The following CHD4 variants were observed in gnomAD, a reference collection of about 807,000 sequenced individuals.
CHD4 encodes the protein chromodomain helicase DNA binding protein 4, also known as ATP-dependent chromatin remodeler CHD4.
Under a neutral mutation model 235.5 loss-of-function variants are expected in CHD4, and 35 were observed. The observed-to-expected ratio is 0.15, with a 90% confidence interval of 0.11 to 0.20. CHD4 has a LOEUF of 0.20. Ranked by LOEUF, CHD4 falls within the 10% of genes least tolerant of loss-of-function variation. CHD4 has a pLI of 1.00. For missense variants in CHD4, 1,329 were observed against 2,432.3 expected (o/e 0.55, Z 9.54); for synonymous variants, 900 against 850.2 (o/e 1.06, Z -1.02).
chr12:6,581,704 TGTA>T lies in CHD4; in HGVS notation c.4623_4625del (p.Thr1542del). ...GCTGCGTGTCCCCTGGAGTGGAGGGTGTAGGAGTTTTTGGGGAGGGTGACCCTG... is the reference window on the plus strand; with the variant it reads ...GCTGCGTGTCCCCTGGAGTGGAGGGTGGAGTTTTTGGGGAGGGTGACCCTG... On this transcript the variant is annotated inframe_deletion, in exon 31 of 40. Transcript: ENST00000544040. 6.2e-7 allele frequency: 1 copy of T among 1,605,170 alleles called. No individual in the cohort carries two copies. Among genetic ancestry groups the T allele is most frequent in the South Asian group, 1.1e-5 (1 of 90,064 alleles).
chr12:6,577,244 A>AC (rs1948086402), intron 37 of CHD4, among the ~76,000 whole-genome samples: 1 of 150,772 alleles, frequency 6.6e-6, no homozygotes, highest in East Asian at 1.9e-4. Flanking sequence ...ACATGGTGAA[A>AC]CCCCATCTCT....
rs1947940793 is a variant in CHD4, at chr12:6,570,348, A to T, written c.*328T>A. The T allele has an allele frequency of 5.5e-6, 2 of 361,240 alleles. No individual in the cohort carries two copies. Among genetic ancestry groups the T allele is most frequent in the African/African-American group, 2.1e-5 (1 of 47,776 alleles). 22.4% of individuals were successfully genotyped at this position (361,240 alleles called of 1,614,324 possible). A position where few individuals can be genotyped will look rare whatever the true frequency, so the allele number is the denominator to read the frequency against. ...AAAATAAAACCAAAAGGAGGAAAAAATTCAGATCATTTTCTTCAAGCCTGG... is the reference window on the plus strand; with the variant it reads ...AAAATAAAACCAAAAGGAGGAAAAATTTCAGATCATTTTCTTCAAGCCTGG... On this transcript the variant is annotated 3_prime_UTR_variant, in exon 40 of 40. Coordinates refer to ENST00000544040, the MANE Select transcript of CHD4 (RefSeq NM_001273.5).
intron 23 of CHD4, 39 bp downstream of exon 23, chr12:6,588,259 A>T (rs764598745): frequency 2.5e-6 from 4 of 1,606,770 alleles, no homozygotes. Context: ...TTCTAGCATA[A>T]CATGTTACTT....
intron 31 of CHD4, 109 bp downstream of exon 31, chr12:6,581,540 T>C (rs772502595): frequency 3.2e-6 from 5 of 1,555,500 alleles, no homozygotes; most frequent in Non-Finnish European, 3.5e-6. Context: ...TGAGAGGGAA[T>C]TGCTGTGTGT....
Position 6,592,493 on chromosome 12 carries a change from G to A in CHD4, c.2848C>T (p.Leu950=), listed in dbSNP as rs1948418545. 1 of 1,611,872 alleles carries A rather than the reference G, an allele frequency of 6.2e-7. No homozygotes were observed. The highest frequency in any genetic ancestry group is 2.2e-5 in the East Asian group (1 of 44,786). ...AGCCGCCGCAACATGTGCGGCCCCAGCATGTCATGCAGTTTTTTTATCTGG... is the reference window on the plus strand; with the variant it reads ...AGCCGCCGCAACATGTGCGGCCCCAACATGTCATGCAGTTTTTTTATCTGG... ...EDQIKKLHDM[L]GPHMLRRLKA... Residue 950 remains leucine, a synonymous_variant, in exon 19 of 40, where the codon CTG becomes TTG. Coordinates refer to ENST00000544040, the MANE Select transcript of CHD4 (RefSeq NM_001273.5).
chr12:6,600,459 C>G, intron 8 of CHD4, 64 bp from the exon 9 acceptor site: 2 of 1,605,156 alleles, frequency 1.2e-6, no homozygotes, highest in Non-Finnish European at 1.7e-6. Context: ...CCCCCCGACC[C>G]CTATCTCCTT....
chr12:6,587,676 G>A (rs770152421), intron 24 of CHD4, 36 bp downstream of exon 24: 1 of 1,608,660 alleles, frequency 6.2e-7, no homozygotes, highest in Admixed American at 1.7e-5. Context: ...GAGAGGCCAA[G>A]CCCCACACCA....
At chr12:6,580,732 G>T in intron 33 of CHD4, 1 of 209,278 alleles carries the variant, frequency 4.8e-6, no homozygotes. Context: ...AAAAAAGCCA[G>T]GCACAGTGGC....
At position 6,602,389 on chromosome 12, in the gene CHD4, C is replaced by T. The variant is rs377735756; in HGVS notation, c.209G>A (p.Arg70His). Residue 70 changes from arginine (R) to histidine (H), a missense_variant, in exon 3 of 40, where the codon CGC becomes CAC. Coordinates refer to ENST00000544040, the MANE Select transcript of CHD4 (RefSeq NM_001273.5). ...PRDPKIPKSK[R>H]QKKERMLLCR... is the part of the protein sequence containing the mutation. ...TCACCCACTCACCTCCTTTTTTTGG[C>T]GCTTGCTCTTAGGGATTTTAGGGTC... The T allele has an allele frequency of 2.0e-5, 32 of 1,613,324 alleles. No individual in the cohort carries two copies. Among genetic ancestry groups the T allele is most frequent in the Middle Eastern group, 1.7e-4 (1 of 6,060 alleles).
chr12:6,598,313 G>C lies in CHD4; in HGVS notation c.1595C>G (p.Pro532Arg). The C allele has an allele frequency of 6.2e-7, 1 of 1,614,160 alleles. No homozygotes were observed. Among genetic ancestry groups the C allele is most frequent in the Non-Finnish European group, 8.5e-7 (1 of 1,179,994 alleles). The change falls in exon 11 of 40, where the codon CCA (proline) becomes CGA (arginine). Residue 532 changes from proline to arginine, a missense_variant. Physicochemically the swap from Pro to Arg is moderately radical, Grantham distance 103. Transcript: ENST00000544040. ...CTCTGGCCGCCCCTCCAAGGGCTTT[G>C]GGGAGGGCGTGTTGGGATCAGCATC... ...PPDADPNTPS[P>R]KPLEGRPERQ...
chr12:6,599,588 T>C (rs1948555297), intron 10 of CHD4, among the ~76,000 whole-genome samples, 185 bp downstream of exon 10: 1 of 152,150 alleles, frequency 6.6e-6, no homozygotes, highest in Non-Finnish European at 1.5e-5. Context: ...CATCAACTCC[T>C]CAGTTTGAAG....
chr12:6,600,745 T>C, intron 7 of CHD4, 76 bp from the exon 8 acceptor site: 1 of 1,571,016 alleles, frequency 6.4e-7, no homozygotes. Context: ...GGGAGTACTC[T>C]CTCACTGGGG....
At position 6,602,425 on chromosome 12, in the gene CHD4, T is replaced by C. The variant is rs765089487; in HGVS notation, c.173A>G (p.Lys58Arg). 43 of 1,614,190 alleles carry C rather than the reference T, an allele frequency of 2.7e-5. No homozygotes were observed. The highest frequency in any genetic ancestry group is 3.5e-5 in the Non-Finnish European group (41 of 1,180,030). Residue 58 changes from lysine (K) to arginine (R), a missense_variant, in exon 3 of 40, where the codon AAG (lysine) becomes AGG (arginine). Lys to Arg is a conservative substitution (Grantham distance 26). Coordinates refer to ENST00000544040, the MANE Select transcript of CHD4 (RefSeq NM_001273.5). ...AGGGATTTTAGGGTCCCGAGGTTTC[T>C]TAGGCTTTTTCTTCTTCTTGAGCTT... ...TPKLKKKKKP[K>R]KPRDPKIPKS...
At position 6,602,438 on chromosome 12, in the gene CHD4, T is replaced by C. The variant is rs1171745254; in HGVS notation, c.160A>G (p.Lys54Glu). Reference sequence around the variant, plus strand: ...TCCCGAGGTTTCTTAGGCTTTTTCTTCTTCTTGAGCTTTGGAGTCTCTGTT... The same window carrying C: ...TCCCGAGGTTTCTTAGGCTTTTTCTCCTTCTTGAGCTTTGGAGTCTCTGTT... ...SETETPKLKK[K>E]KKPKKPRDPK... The change falls in exon 3 of 40, where the codon AAG becomes GAG. Residue 54 changes from lysine to glutamate, a missense_variant. Lys to Glu is a moderately conservative substitution (Grantham distance 56). Transcript: ENST00000544040. The C allele has an allele frequency of 1.2e-6, 2 of 1,614,106 alleles. No individual in the cohort carries two copies. Among genetic ancestry groups the C allele is most frequent in the Non-Finnish European group, 8.5e-7 (1 of 1,180,056 alleles).
intron 38 of CHD4, chr12:6,571,264 A>G (rs1368070036): frequency 2.0e-6 from 1 of 488,342 alleles, no homozygotes; most frequent in Admixed American, 3.7e-5. Flanking sequence ...ATCCCTTACT[A>G]TTATTGTATT....
chr12:6,575,086 A>G (rs1023103261), intron 37 of CHD4, among the ~76,000 whole-genome samples: 71 of 151,906 alleles, frequency 4.7e-4, no homozygotes, highest in African/African-American at 1.7e-3. Context: ...CTTTCACACA[A>G]CAAAGATGGA....
intron 11 of CHD4, 40 bp downstream of exon 11, chr12:6,598,182 T>G: frequency 6.2e-7 from 1 of 1,609,402 alleles, no homozygotes; most frequent in Admixed American, 1.7e-5. Flanking sequence ...ACTATCCTCT[T>G]CATCGTAGCC....
chr12:6,581,551 C>T, intron 31 of CHD4, 98 bp downstream of exon 31: 1 of 1,576,186 alleles, frequency 6.3e-7, no homozygotes, highest in Non-Finnish European at 8.7e-7. Context: ...TGCTGTGTGT[C>T]CTGCCAGACT....
Position 6,581,173 on chromosome 12 carries a change from A to G in CHD4, c.4780T>C (p.Cys1594Arg), listed in dbSNP as rs1948181408. The G allele has an allele frequency of 1.1e-5, 17 of 1,611,284 alleles. 1 individual carries two copies. In the Middle Eastern group the frequency reaches 1.8e-3, roughly 173 times the overall value. ...GAGGCAGGGGCAGGGGCCTGTGTAC[A>G]CTTCAAAGGAAAAAAAAACAAAAAC... The part of the protein sequence containing the change: ...KSTAPETAIE[C>R]TQAPAPASED... The change falls in exon 33 of 40, where the codon TGT (cysteine) becomes CGT (arginine). Residue 1594 changes from cysteine to arginine, a missense_variant and splice_region_variant. By Grantham distance (180) the Cys-to-Arg change is radical. Transcript: ENST00000544040.
Sources: allele counts gnomAD v4.1 joint callset (sites outside exome capture counted in the v4.1 genomes callset), GRCh38; gene constraint gnomAD v4.1.1; transcripts MANE v1.5; gene names NCBI Gene and HGNC (gene_info 2026-07-23, HGNC 2026-07-21).